TENM1: variants seen among roughly 807,000 people sequenced by gnomAD.
TENM1 encodes teneurin transmembrane protein 1.
Under a neutral mutation model 174.8 loss-of-function variants are expected in TENM1, and 35 were observed. The ratio of observed to expected loss-of-function variants is 0.20; its 90% confidence interval spans 0.15 to 0.27. The LOEUF is 0.27. TENM1 is among the 10% of genes least tolerant of loss of function. The pLI is 1.00. For synonymous variants in TENM1, 781 were observed against 798.7 expected, an observed-to-expected ratio of 0.98 and a Z score of 0.37; for missense variants, 1,633 against 2,130.1, an observed-to-expected ratio of 0.77 and a Z score of 4.59.
intron 23 of TENM1, among the ~76,000 whole-genome samples, chrX:124,443,044 A>ATGTGTGTGTGTGTGTGTGTGTG (rs59365041): frequency 1.9e-5 from 1 of 51,972 alleles, no homozygotes; most frequent in African/African-American, 8.8e-5. Context: ...CTGGATGACT[A>ATGTGTGTGTGTGTGTGTGTGTG]TGTGTGTGTG....
intron 14 of TENM1, among the ~76,000 whole-genome samples, chrX:124,555,808 T>A (rs941583113): frequency 8.9e-6 from 1 of 112,069 alleles, no homozygotes; most frequent in Non-Finnish European, 1.9e-5. Context: ...CACATCAATT[T>A]GTGAGGAAAA....
chrX:124,451,505 G>T (rs1478146320), intron 23 of TENM1, among the ~76,000 whole-genome samples: 1 of 111,972 alleles, frequency 8.9e-6, no homozygotes, highest in East Asian at 2.8e-4. Flanking sequence ...TTTCTTCACA[G>T]AATTGGATAA....
chrX:124,392,417 A>G, intron 27 of TENM1, 69 bp from the exon 31 acceptor site: 4 of 883,012 alleles, frequency 4.5e-6, no homozygotes, highest in Non-Finnish European at 6.4e-6. Flanking sequence ...ACTGACAATC[A>G]TGAATCCTTT....
chrX:124,723,464 T>C (rs1365872078), intron 4 of TENM1, among the ~76,000 whole-genome samples: 1 of 111,783 alleles, frequency 8.9e-6, no homozygotes, highest in African/African-American at 3.3e-5. Flanking sequence ...GTTTGGTTTT[T>C]GGCTTTCTTT....
the TENM1 span, among the ~76,000 whole-genome samples, chrX:125,080,906 G>A: frequency 1.8e-5 from 2 of 110,846 alleles, no homozygotes; most frequent in African/African-American, 6.5e-5. Context: ...CCCCATCCCC[G>A]ATACTTACCC....
chrX:125,060,447 G>A, the TENM1 span, among the ~76,000 whole-genome samples: 1 of 110,863 alleles, frequency 9.0e-6, no homozygotes, highest in African/African-American at 3.3e-5. Context: ...TTTGAAAAGT[G>A]CATAGGAATA....
the TENM1 span, among the ~76,000 whole-genome samples, chrX:125,037,739 T>C: frequency 9.0e-6 from 1 of 111,641 alleles, no homozygotes; most frequent in African/African-American, 3.2e-5. Flanking sequence ...AGTTCTCATG[T>C]TCCTCATTAG....
chrX:124,477,343 G>A (rs913006002), intron 22 of TENM1, among the ~76,000 whole-genome samples: 2 of 112,248 alleles, frequency 1.8e-5, no homozygotes, highest in South Asian at 3.7e-4. Flanking sequence ...GGTTTTAATA[G>A]GAAAAGGAAA....
At chrX:125,183,645 T>C in the TENM1 span, among the ~76,000 whole-genome samples, 1 of 111,511 alleles carries the variant, frequency 9.0e-6, no homozygotes, top group Non-Finnish European at 1.9e-5. Context: ...AAGTGAAGCA[T>C]TTTTATCAAG....
At chrX:124,414,129 G>A (rs1386333128) in intron 25 of TENM1, among the ~76,000 whole-genome samples, 1 of 111,571 alleles carries the variant, frequency 9.0e-6, no homozygotes, top group Non-Finnish European at 1.9e-5. Flanking sequence ...TTGTTTTCTT[G>A]ATGGGAGGAG....
the TENM1 span, among the ~76,000 whole-genome samples, chrX:125,196,133 A>G: frequency 9.0e-6 from 1 of 110,946 alleles, no homozygotes; most frequent in Non-Finnish European, 1.9e-5. Flanking sequence ...TGGCCAATCA[A>G]CTGTACTGTT....
the TENM1 span, among the ~76,000 whole-genome samples, chrX:125,094,826 T>C: frequency 5.3e-5 from 6 of 112,295 alleles, no homozygotes; most frequent in Non-Finnish European, 9.4e-5. Flanking sequence ...ATTTTGATTG[T>C]CAGAACCTTG....
chrX:124,792,905 T>C lies in TENM1; in HGVS notation c.536-55708A>G, dbSNP rs151299002. ...ACTTGGGCAGTTCTTGAATGTTAGT[T>C]TGAAAATAGACTAATTTCTAAACAT... On this transcript the variant is annotated intron_variant, in intron 3 of 31. Transcript: ENST00000422452. Among the ~76,000 whole-genome samples, 1,067 of 112,303 alleles carry C rather than the reference T, an allele frequency of 9.5e-3. 7 individuals are homozygous for C. Among genetic ancestry groups the C allele is most frequent in the Middle Eastern group, 0.033 (7 of 215 alleles).
intron 3 of TENM1, among the ~76,000 whole-genome samples, chrX:124,772,520 GA>G (rs1421716207): frequency 2.7e-5 from 3 of 111,774 alleles, no homozygotes; most frequent in Non-Finnish European, 5.6e-5. Flanking sequence ...AAAATTATGA[GA>G]CTTTTCTATA....
intron 11 of TENM1, among the ~76,000 whole-genome samples, chrX:124,590,616 C>T (rs1274438859): frequency 2.7e-5 from 3 of 111,720 alleles, no homozygotes; most frequent in African/African-American, 6.5e-5. Flanking sequence ...GGTATGATTG[C>T]AATTTTTCTG....
At chrX:124,660,728 G>C (rs2051579174) in intron 6 of TENM1, among the ~76,000 whole-genome samples, 1 of 111,943 alleles carries the variant, frequency 8.9e-6, no homozygotes, top group African/African-American at 3.2e-5. Flanking sequence ...AATAACAAGT[G>C]TAAGGATGTG....
chrX:124,676,902 G>C (rs2052102667), intron 5 of TENM1, among the ~76,000 whole-genome samples: 1 of 107,313 alleles, frequency 9.3e-6, no homozygotes, highest in Non-Finnish European at 1.9e-5. Context: ...GAATGCGTCA[G>C]AAGTAAATGT....
At chrX:125,196,620 A>G in the TENM1 span, among the ~76,000 whole-genome samples, 1 of 111,909 alleles carries the variant, frequency 8.9e-6, no homozygotes, top group Non-Finnish European at 1.9e-5. Context: ...TGAGTAAGCT[A>G]AAAACAGTAC....
chrX:124,585,134 GA>G (rs1172083260), intron 11 of TENM1, among the ~76,000 whole-genome samples: 2 of 110,725 alleles, frequency 1.8e-5, no homozygotes, highest in African/African-American at 6.6e-5. Flanking sequence ...CAACGAGACA[GA>G]AAGTTAACAA....
Sources: gnomAD v4.1 joint callset for allele counts (sites outside exome capture counted in the v4.1 genomes callset) on GRCh38, gnomAD v4.1.1 for gene constraint, MANE v1.5 for transcripts, NCBI Gene and HGNC (gene_info 2026-07-23, HGNC 2026-07-21) for gene names.